Variants in CNTNAP2 observed in about 807,000 individuals in gnomAD.
The protein encoded by CNTNAP2 is contactin-associated protein-like 2.
A neutral mutation model predicts 155.2 loss-of-function variants in CNTNAP2; 98 were observed. The ratio of observed to expected loss-of-function variants is 0.63; its 90% CI spans 0.54 to 0.75. The LOEUF is 0.75. CNTNAP2 is among the 30% of genes least tolerant of loss of function. CNTNAP2 has a pLI of 0.00. For synonymous variants in CNTNAP2, 651 were observed against 631.2 expected, an observed-to-expected ratio of 1.03 and a Z score of -0.47; for missense variants, 1,727 against 1,688.1, an observed-to-expected ratio of 1.02 and a Z score of -0.40.
chr7:146,633,832 GAAAAAAAAA>G (rs60993956), intron 1 of CNTNAP2, among the ~76,000 whole-genome samples: 14 of 79,048 alleles, frequency 1.8e-4, no homozygotes, highest in African/African-American at 7.2e-4. Flanking sequence ...TGCATCTAGA[GAAAAAAAAA>G]AAAAAAAAAA....
At chr7:146,299,971 A>G (rs923885704) in intron 1 of CNTNAP2, among the ~76,000 whole-genome samples, 16 of 152,188 alleles carry the variant, frequency 1.1e-4, no homozygotes, top group African/African-American at 3.6e-4. Flanking sequence ...GCCATTATAC[A>G]TTTCAGACCA....
intron 1 of CNTNAP2, among the ~76,000 whole-genome samples, chr7:146,451,236 G>A (rs977452478): frequency 2.0e-5 from 3 of 152,140 alleles, no homozygotes; most frequent in Admixed American, 6.5e-5. Context: ...GTGAGCCACC[G>A]TGCCCAGCCA....
At chr7:146,452,389 A>G (rs1796497468) in intron 1 of CNTNAP2, among the ~76,000 whole-genome samples, 1 of 152,208 alleles carries the variant, frequency 6.6e-6, no homozygotes, top group Non-Finnish European at 1.5e-5. Context: ...AATATTCAAT[A>G]AATATTTGAT....
In CNTNAP2 at chr7:146,613,801, T is replaced by C. The variant is rs375880481; in HGVS notation, c.98-160470T>C. Among the ~76,000 whole-genome samples, 11 of 152,244 alleles carry C rather than the reference T, an allele frequency of 7.2e-5. No homozygotes were observed. The East Asian group carries it at 2.1e-3, about 29-fold the overall frequency. On this transcript the variant is annotated intron_variant, in intron 1 of 23. Coordinates refer to ENST00000361727, the MANE Select transcript of CNTNAP2 (RefSeq NM_014141.6). ...TGGGAATCAATTCCAAAATAAAAAG[T>C]ATAAATTACATGATCTTTAAGTGTT...
chr7:146,415,035 A>C (rs1397001600), intron 1 of CNTNAP2, among the ~76,000 whole-genome samples: 2 of 152,180 alleles, frequency 1.3e-5, no homozygotes, highest in African/African-American at 4.8e-5. Flanking sequence ...AGCGAAGGGC[A>C]GAATGCCATC....
intron 3 of CNTNAP2, among the ~76,000 whole-genome samples, chr7:147,028,920 A>G (rs1798972928): frequency 6.6e-6 from 1 of 151,912 alleles, no homozygotes; most frequent in Non-Finnish European, 1.5e-5. Flanking sequence ...AGGAGAAGCA[A>G]TCACAGATCA....
chr7:146,715,215 C>T (rs1801166169), intron 1 of CNTNAP2, among the ~76,000 whole-genome samples: 1 of 152,058 alleles, frequency 6.6e-6, no homozygotes, highest in African/African-American at 2.4e-5. Context: ...CCTATAATTC[C>T]CAACTACTCA....
chr7:147,779,660 A>C (rs2116552873), intron 13 of CNTNAP2, among the ~76,000 whole-genome samples: 1 of 152,286 alleles, frequency 6.6e-6, no homozygotes, highest in African/African-American at 2.4e-5. Context: ...TCTGACTTCA[A>C]GACCTGTATT....
chr7:147,335,872 GA>G (rs1199132372), intron 9 of CNTNAP2, among the ~76,000 whole-genome samples: 8 of 126,610 alleles, frequency 6.3e-5, no homozygotes, highest in Admixed American at 5.7e-4. Context: ...AATGTGATGT[GA>G]AAAAAAATAA....
intron 15 of CNTNAP2, among the ~76,000 whole-genome samples, chr7:148,001,349 C>T (rs997056464): frequency 8.5e-5 from 13 of 152,210 alleles, no homozygotes; most frequent in South Asian, 4.1e-4. Context: ...CATGGCTCTA[C>T]ACTGCGTCGA....
At chr7:147,128,914 A>G in intron 7 of CNTNAP2, 78 bp downstream of exon 7, 1 of 1,558,892 alleles carries the variant, frequency 6.4e-7, no homozygotes, top group Admixed American at 1.7e-5. Context: ...TTGAACAACA[A>G]CAAAATCATG....
intron 19 of CNTNAP2, 112 bp downstream of exon 19, chr7:148,217,636 T>A: frequency 8.5e-7 from 1 of 1,182,520 alleles, no homozygotes; most frequent in African/African-American, 1.5e-5. Context: ...TAGGCTTTTT[T>A]AAGCAAGTCA....
chr7:146,489,068 T>A (rs1439810923), intron 1 of CNTNAP2, among the ~76,000 whole-genome samples: 1 of 152,204 alleles, frequency 6.6e-6, no homozygotes, highest in Non-Finnish European at 1.5e-5. Context: ...ATCGCTAAAG[T>A]TACCACCCAT....
chr7:147,820,353 A>G (rs539162446), intron 13 of CNTNAP2, among the ~76,000 whole-genome samples: 56 of 151,662 alleles, frequency 3.7e-4, no homozygotes, highest in African/African-American at 1.3e-3. Context: ...TAATGTGTCT[A>G]TTTTTTCGTT....
chr7:147,781,265 A>G lies in CNTNAP2; in HGVS notation c.2099-122300A>G, dbSNP rs146129164. Among the ~76,000 whole-genome samples, 930 of 152,322 alleles carry G rather than the reference A, an allele frequency of 6.1e-3. 10 individuals are homozygous for G. The highest frequency in any genetic ancestry group is 0.021 in the African/African-American group (892 of 41,566). ...ATTTACTTAATAAAATCAAGTTAGC[A>G]GTAGACTGTTGTAGAAAGGTAGCTG... On this transcript the variant is annotated intron_variant, in intron 13 of 23. Transcript: ENST00000361727.
chr7:147,737,024 T>A (rs1449810296), intron 13 of CNTNAP2, among the ~76,000 whole-genome samples: 1 of 152,196 alleles, frequency 6.6e-6, no homozygotes, highest in Non-Finnish European at 1.5e-5. Context: ...TCTCAACTCA[T>A]CAAAGTCATT....
At chr7:148,237,874 A>G (rs1796070754) in intron 20 of CNTNAP2, among the ~76,000 whole-genome samples, 1 of 152,204 alleles carries the variant, frequency 6.6e-6, no homozygotes. Flanking sequence ...GGACTTTCAC[A>G]TAACCTCCTC....
At chr7:146,937,944 A>T (rs933088208) in intron 3 of CNTNAP2, among the ~76,000 whole-genome samples, 2 of 152,170 alleles carry the variant, frequency 1.3e-5, no homozygotes, top group Admixed American at 1.3e-4. Context: ...ACAAGGCTGG[A>T]TGCATATTTA....
chr7:147,238,204 A>G (rs749800982), intron 8 of CNTNAP2, among the ~76,000 whole-genome samples: 1 of 152,036 alleles, frequency 6.6e-6, no homozygotes, highest in Non-Finnish European at 1.5e-5. Flanking sequence ...TTTAGTAGGG[A>G]TGGGGTTTCA....
Sources: gnomAD v4.1 joint callset for allele counts (sites outside exome capture counted in the v4.1 genomes callset) on GRCh38, gnomAD v4.1.1 for gene constraint, MANE v1.5 for transcripts, NCBI Gene and HGNC (gene_info 2026-07-23, HGNC 2026-07-21) for gene names.